Variants in SLC15A5 observed in about 807,000 individuals in gnomAD.
SLC15A5 encodes solute carrier family 15 member 5.
Under a neutral mutation model 56.1 loss-of-function variants are expected in SLC15A5, and 58 were observed. The ratio of observed to expected loss-of-function variants is 1.03; its 90% CI spans 0.84 to 1.29. The LOEUF is 1.29. Ranked by LOEUF, SLC15A5 falls within the 50% of genes most tolerant of loss-of-function variation. The probability of loss-of-function intolerance (pLI) is 0.00; values close to 1 mark genes in which losing one functional copy is unlikely to be tolerated. For missense variants in SLC15A5, 681 were observed against 672.1 expected, an observed-to-expected ratio of 1.01 and a Z score of -0.15; for synonymous variants, 264 against 250.5, an observed-to-expected ratio of 1.05 and a Z score of -0.51.
intron 5 of SLC15A5, among the ~76,000 whole-genome samples, chr12:16,234,319 A>G (rs529392476): frequency 4.4e-4 from 67 of 152,264 alleles, no homozygotes; most frequent in African/African-American, 1.5e-3. Flanking sequence ...TGGAGGGAAC[A>G]AAAACATACA....
chr12:16,220,453 A>G (rs557829114), intron 6 of SLC15A5, among the ~76,000 whole-genome samples: 4 of 152,262 alleles, frequency 2.6e-5, no homozygotes, highest in South Asian at 2.1e-4. Flanking sequence ...CTGATCTCCA[A>G]TCTACCTCAG....
chr12:16,244,272 G>T (rs1052627978), intron 4 of SLC15A5, among the ~76,000 whole-genome samples: 6 of 152,186 alleles, frequency 3.9e-5, no homozygotes, highest in South Asian at 2.1e-4. Flanking sequence ...ATTGCCTACA[G>T]ATCTGATATG....
chr12:16,219,866 AT>A (rs2136247615), intron 6 of SLC15A5, among the ~76,000 whole-genome samples: 1 of 152,300 alleles, frequency 6.6e-6, no homozygotes, highest in South Asian at 2.1e-4. Context: ...ACAATAAAAA[AT>A]ATTCAGTGTG....
chr12:16,216,790 T>TA (rs1233306021), intron 7 of SLC15A5, 103 bp downstream of exon 7: 3 of 998,100 alleles, frequency 3.0e-6, no homozygotes, highest in Non-Finnish European at 4.2e-6. Context: ...GTGGATCAAT[T>TA]AAAAAAAGAC....
intron 7 of SLC15A5, among the ~76,000 whole-genome samples, chr12:16,203,177 T>C (rs1002961757): frequency 7.9e-5 from 12 of 152,132 alleles, no homozygotes; most frequent in African/African-American, 2.7e-4. Flanking sequence ...ACATGCTAAT[T>C]AGACTGATTT....
At chr12:16,265,077 A>AGGGAAT (rs1470970660) in intron 2 of SLC15A5, among the ~76,000 whole-genome samples, 2 of 152,178 alleles carry the variant, frequency 1.3e-5, no homozygotes, top group Admixed American at 1.3e-4. Context: ...AGTCATTTGA[A>AGGGAAT]GGGAATTGAG....
chr12:16,234,360 G>A (rs937415998), intron 5 of SLC15A5, among the ~76,000 whole-genome samples: 6 of 152,094 alleles, frequency 3.9e-5, no homozygotes, highest in African/African-American at 1.2e-4. Context: ...GGTATTTTAG[G>A]GCAAAGCATA....
chr12:16,262,437 G>T (rs1864651234), intron 2 of SLC15A5, among the ~76,000 whole-genome samples: 1 of 152,080 alleles, frequency 6.6e-6, no homozygotes, highest in African/African-American at 2.4e-5. Flanking sequence ...AAATCACATG[G>T]TCTGTGATCT....
chr12:16,272,775 A>G lies in SLC15A5; in HGVS notation c.370T>C (p.Leu124=), dbSNP rs184021658. 6.5e-7 allele frequency: 1 copy of G among 1,537,052 alleles called. No individual in the cohort carries two copies. The highest frequency in any genetic ancestry group is 2.4e-5 in the East Asian group (1 of 40,896). Reference sequence around the variant, plus strand: ...AAGGGAAAAGCCACCACAGATAACAAAGCAGTGCCTGTAGGTGGAGAAAAA... The same window carrying G: ...AAGGGAAAAGCCACCACAGATAACAGAGCAGTGCCTGTAGGTGGAGAAAAA... The part of the protein sequence containing the change: ...CLFLHFLGTA[L]LSVVAFPLED... Residue 124 remains leucine (L), a synonymous_variant, in exon 2 of 9, where the codon TTG becomes CTG. Transcript: ENST00000344941.
intron 5 of SLC15A5, among the ~76,000 whole-genome samples, chr12:16,228,901 G>T (rs1864268930): frequency 6.6e-6 from 1 of 152,162 alleles, no homozygotes; most frequent in Non-Finnish European, 1.5e-5. Flanking sequence ...TAAGTTTGCA[G>T]GGGGTGAAAA....
At chr12:16,210,474 T>C (rs1243783140) in intron 7 of SLC15A5, among the ~76,000 whole-genome samples, 1 of 152,192 alleles carries the variant, frequency 6.6e-6, no homozygotes, top group Non-Finnish European at 1.5e-5. Flanking sequence ...ATACATCTAG[T>C]CCACCTGGAA....
Position 16,243,888 on chromosome 12 carries a change from T to C in SLC15A5, c.975+692A>G, listed in dbSNP as rs1864436726. 6.6e-6 allele frequency among the ~76,000 whole-genome samples: 1 copy of C among 152,238 alleles called. No homozygotes were observed. Among genetic ancestry groups the C allele is most frequent in the African/African-American group, 2.4e-5 (1 of 41,448 alleles). ...CTAAATGTAACTCATTCATGAGTCT[T>C]CTAAATTCCAAGTTGGGAGTTAGCA... On this transcript the variant is annotated intron_variant, in intron 4 of 8. Transcript: ENST00000344941. The surrounding 1 kb of genome is among the most constrained non-coding windows in gnomAD (Gnocchi z 4.4).
At position 16,277,675 on chromosome 12, in the gene SLC15A5, G is replaced by GT; in HGVS notation, c.10dup (p.Thr4AsnfsTer7). 6.5e-7 allele frequency: 1 copy of GT among 1,531,032 alleles called. No homozygotes were observed. The highest frequency in any genetic ancestry group is 8.8e-7 in the Non-Finnish European group (1 of 1,142,590). 94.8% of individuals were successfully genotyped at this position (1,531,032 alleles called of 1,614,324 possible). A position where few individuals can be genotyped will look rare whatever the true frequency, so the allele number is the denominator to read the frequency against. ...TTTCTCATCAGTTATGGTAAAGCCT[G>GT]TAACAGACATGACTACCCTCCTTGA... On this transcript the variant is annotated frameshift_variant, in exon 1 of 9. Coordinates refer to ENST00000344941, the MANE Select transcript of SLC15A5 (RefSeq NM_001170798.1). LOFTEE classifies it high-confidence loss of function.
intron 3 of SLC15A5, among the ~76,000 whole-genome samples, chr12:16,256,689 T>C (rs7299248): frequency 0.45 from 68,285 of 151,494 alleles, 15,602 homozygotes; most frequent in South Asian, 0.64. Context: ...GAAACCCCGT[T>C]TCTACTAAAA....
chr12:16,197,417 G>T (rs1036839425), intron 7 of SLC15A5, among the ~76,000 whole-genome samples: 1 of 128,472 alleles, frequency 7.8e-6, no homozygotes, highest in African/African-American at 3.0e-5. Context: ...GACAGAATTG[G>T]GTATAAAAAG....
At chr12:16,255,947 C>T (rs543235864) in intron 3 of SLC15A5, among the ~76,000 whole-genome samples, 1 of 152,186 alleles carries the variant, frequency 6.6e-6, no homozygotes, top group South Asian at 2.1e-4. Context: ...CAATGAAAAA[C>T]AGCAAGAGGC....
At chr12:16,205,559 T>TA (rs760376497) in intron 7 of SLC15A5, among the ~76,000 whole-genome samples, 3 of 85,510 alleles carry the variant, frequency 3.5e-5, no homozygotes, top group African/African-American at 1.4e-4. Flanking sequence ...TATATATATA[T>TA]TCCATAAGAA....
At chr12:16,272,162 G>C (rs1384300140) in intron 2 of SLC15A5, among the ~76,000 whole-genome samples, 1 of 152,152 alleles carries the variant, frequency 6.6e-6, no homozygotes, top group East Asian at 1.9e-4. Context: ...AACCGGAGAA[G>C]AGGAGGTATT....
At chr12:16,260,657 T>G (rs1315870824) in intron 2 of SLC15A5, among the ~76,000 whole-genome samples, 1 of 152,008 alleles carries the variant, frequency 6.6e-6, no homozygotes, top group Non-Finnish European at 1.5e-5. Context: ...AGTTTAAAAT[T>G]TTAATAAATT....
Sources: allele counts gnomAD v4.1 joint callset (sites outside exome capture counted in the v4.1 genomes callset), GRCh38; gene constraint gnomAD v4.1.1; non-coding constraint Gnocchi (gnomAD v3.1); transcripts MANE v1.5; gene names NCBI Gene and HGNC (gene_info 2026-07-23, HGNC 2026-07-21).